ZNF268: variants seen among roughly 807,000 people sequenced by gnomAD.
The protein encoded by ZNF268 is zinc finger protein 268.
In ZNF268, 20 loss-of-function variants were observed where a neutral mutation model predicts 29.3. The observed-to-expected ratio is 0.68, with a 90% CI of 0.48 to 0.99. ZNF268 has a LOEUF of 0.99. ZNF268 is among the 50% of genes least tolerant of loss of function. The pLI is 0.00. For synonymous variants in ZNF268, 429 were observed against 376.9 expected (o/e 1.14, Z -1.60); for missense variants, 1,240 against 1,121.6 (o/e 1.11, Z -1.51).
intron 2 of ZNF268, 67 bp downstream of exon 2, chr12:133,182,097 T>C: frequency 6.7e-7 from 1 of 1,482,914 alleles, no homozygotes; most frequent in South Asian, 1.2e-5. Context: ...GCACTCCATC[T>C]ACTCCAGTCT....
At position 133,209,988 on chromosome 12, in the gene ZNF268, G is replaced by C. The variant is rs939045775; in HGVS notation, c.*5458G>C. On this transcript the variant is annotated 3_prime_UTR_variant, in exon 6 of 6. Transcript: ENST00000536435. ...TTTCTCCCCAGAAACAAACCCATAT[G>C]TATAAAAAGTAGTTGGGCTTGCTAT... The C allele has an allele frequency of 3.3e-5, 5 of 152,138 alleles. No individual in the cohort carries two copies. The highest frequency in any genetic ancestry group is 1.2e-4 in the African/African-American group (5 of 41,422). 9.4% of individuals were successfully genotyped at this position (152,138 alleles called of 1,614,324 possible).
At chr12:133,184,754 T>C in intron 2 of ZNF268, 1 of 445,906 alleles carries the variant, frequency 2.2e-6, no homozygotes, top group Non-Finnish European at 4.5e-6. Flanking sequence ...GTAGCTGGGA[T>C]TACAGGTGCG....
chr12:133,200,100 G>A (rs984891657), intron 5 of ZNF268, among the ~76,000 whole-genome samples: 7 of 152,030 alleles, frequency 4.6e-5, no homozygotes, highest in Admixed American at 2.6e-4. Context: ...TGCTTTTCTA[G>A]TTCTTTTAAT....
chr12:133,190,169 C>A (rs1433895274), intron 3 of ZNF268, among the ~76,000 whole-genome samples: 2 of 152,202 alleles, frequency 1.3e-5, no homozygotes, highest in Non-Finnish European at 2.9e-5. Flanking sequence ...ATGTCCTTTT[C>A]AACTAACTTA....
rs886582266 is a variant in ZNF268, at chr12:133,203,240, T to C, written c.1554T>C (p.His518=). ...GGAGCAAGTCATACCTTATTATACA[T>C]ACAAGGACTCATACAGGAGAAAAAC... ...AFRSKSYLII[H]TRTHTGEKLH... The change falls in exon 6 of 6, where the codon CAT becomes CAC. Residue 518 remains histidine (H), a synonymous_variant. Transcript: ENST00000536435. 6.5e-6 allele frequency: 10 copies of C among 1,537,850 alleles called. No homozygotes were observed. In the Admixed American group the frequency reaches 1.8e-4, roughly 27 times the overall value.
rs1956878845 is a variant in ZNF268 at position 133,205,309 on chromosome 12, A to G, written c.*779A>G. 1 of 152,120 alleles carries G rather than the reference A, an allele frequency of 6.6e-6. No homozygotes were observed. Among genetic ancestry groups the G allele is most frequent in the Non-Finnish European group, 1.5e-5 (1 of 67,998 alleles). 9.4% of individuals were successfully genotyped at this position (152,120 alleles called of 1,614,324 possible). ...AATTCTCAATTATAAATAATAAGAT[A>G]CAGATTATTTCATTGTACAAGTGAA... On this transcript the variant is annotated 3_prime_UTR_variant, in exon 6 of 6. Transcript: ENST00000536435.
At position 133,203,741 on chromosome 12, in the gene ZNF268, AC is replaced by A; in HGVS notation, c.2056del (p.His686IlefsTer8). On this transcript the variant is annotated frameshift_variant, in exon 6 of 6. Transcript: ENST00000536435. LOFTEE classifies it low-confidence loss of function (END_TRUNC). Reference sequence around the variant, plus strand: ...TTAGTTTGAAGTCCCAGCTCATTGTACATCAGAGAAGTCACACAGGAGTAAA... The same window carrying A: ...TTAGTTTGAAGTCCCAGCTCATTGTAATCAGAGAAGTCACACAGGAGTAAA... ...TFSLKSQLIV[H>X]QRSHTGVKPY... The A allele has an allele frequency of 1.9e-6, 3 of 1,556,926 alleles. No homozygotes were observed. The highest frequency in any genetic ancestry group is 2.6e-6 in the Non-Finnish European group (3 of 1,157,542).
At chr12:133,195,694 G>C (rs1956575140) in intron 5 of ZNF268, among the ~76,000 whole-genome samples, 1 of 152,050 alleles carries the variant, frequency 6.6e-6, no homozygotes, top group African/African-American at 2.4e-5. Context: ...GTGACAGAGA[G>C]GGATCCTGTC....
At chr12:133,184,183 G>C (rs7296971) in intron 2 of ZNF268, among the ~76,000 whole-genome samples, 51,757 of 151,316 alleles carry the variant, frequency 0.34, 9,219 homozygotes, top group African/African-American at 0.41. Flanking sequence ...TTGGCTCACT[G>C]CAACCTCTGC....
chr12:133,197,138 T>C (rs1479296972), intron 5 of ZNF268, among the ~76,000 whole-genome samples: 5 of 150,752 alleles, frequency 3.3e-5, no homozygotes, highest in Non-Finnish European at 7.4e-5. Flanking sequence ...CTGCACCCAC[T>C]AATTCGTCAT....
rs1370788949 is a variant in ZNF268, at chr12:133,204,611, A to G, written c.*81A>G. 27 of 1,081,994 alleles carry G rather than the reference A, an allele frequency of 2.5e-5. No individual in the cohort carries two copies. In the East Asian group the frequency reaches 3.7e-4, roughly 15 times the overall value. 67.0% of individuals were successfully genotyped at this position (1,081,994 alleles called of 1,614,324 possible). A position where few individuals can be genotyped will look rare whatever the true frequency, so the allele number is the denominator to read the frequency against. On this transcript the variant is annotated 3_prime_UTR_variant, in exon 6 of 6. Transcript: ENST00000536435. ...AAAGAGAAACTCTGTAAGTGGAATC[A>G]TCTTGTCATCTTCCAGAAAACTCAT...
At chr12:133,188,816 C>T (rs750287578) in intron 3 of ZNF268, among the ~76,000 whole-genome samples, 3 of 152,060 alleles carry the variant, frequency 2.0e-5, no homozygotes, top group Non-Finnish European at 2.9e-5. Flanking sequence ...ATTTTTTCCT[C>T]GGGTGCTTCT....
In ZNF268 at chr12:133,203,023, G is replaced by C. The variant is rs1194007665; in HGVS notation, c.1337G>C (p.Cys446Ser). Residue 446 changes from cysteine (C) to serine (S), a missense_variant, in exon 6 of 6, where the codon TGT becomes TCT. By Grantham distance (112) the Cys-to-Ser change is moderately radical. Around this residue, in one of 3 missense-constraint regions of ZNF268, gnomAD observed 1,177 missense variants for 1,039.6 expected, o/e 1.13. Coordinates refer to ENST00000536435, the MANE Select transcript of ZNF268 (RefSeq NM_003415.3). Reference protein sequence around the residue: ...RTHTGEKPYVCSDCGKAFTFK... With the variant: ...RTHTGEKPYVSSDCGKAFTFK... ...CATACAGGGGAGAAACCTTATGTTTGTAGTGATTGTGGAAAAGCCTTTACA... is the reference window on the plus strand; with the variant it reads ...CATACAGGGGAGAAACCTTATGTTTCTAGTGATTGTGGAAAAGCCTTTACA... 9 of 1,544,858 alleles carry C rather than the reference G, an allele frequency of 5.8e-6. No homozygotes were observed. The highest frequency in any genetic ancestry group is 7.8e-6 in the Non-Finnish European group (9 of 1,150,670).
In ZNF268 at chr12:133,202,336, G is replaced by T; in HGVS notation, c.650G>T (p.Ser217Ile). ...AGTTTGAAATATATAGATTTCACTA[G>T]TGATTATGCTAGAAATAATCCTAAT... Reference protein sequence around the residue: ...GKSLKYIDFTSDYARNNPNGF... With the variant: ...GKSLKYIDFTIDYARNNPNGF... Residue 217 changes from serine (S) to isoleucine (I), a missense_variant, in exon 6 of 6, where the codon AGT becomes ATT. Coordinates refer to ENST00000536435, the MANE Select transcript of ZNF268 (RefSeq NM_003415.3). 2 of 1,611,650 alleles carry T rather than the reference G, an allele frequency of 1.2e-6. No individual in the cohort carries two copies. Among genetic ancestry groups the T allele is most frequent in the Non-Finnish European group, 1.7e-6 (2 of 1,178,840 alleles).
chr12:133,194,959 G>T lies in ZNF268; in HGVS notation c.457+2956G>T, dbSNP rs947756904. Among the ~76,000 whole-genome samples, 5 of 66,250 alleles carry T rather than the reference G, an allele frequency of 7.5e-5. 1 individual carries two copies. The highest frequency in any genetic ancestry group is 1.4e-4 in the Non-Finnish European group (4 of 29,284). The allele number at this position is 66,250 out of a possible 152,430, so 43.5% of individuals were successfully genotyped here. A position where few individuals can be genotyped will look rare whatever the true frequency, so the allele number is the denominator to read the frequency against. ...TAGGATCCTGTTCCCATTCAGAGTG[G>T]GGAGTAGTTCTTTATGGTCTATAGA... On this transcript the variant is annotated intron_variant, in intron 5 of 5. Transcript: ENST00000536435.
At chr12:133,184,850 A>G in intron 2 of ZNF268, 1 of 337,136 alleles carries the variant, frequency 3.0e-6, no homozygotes, top group Non-Finnish European at 6.4e-6. Flanking sequence ...GAGGGATGCA[A>G]TCATTGAAAC....
rs1372417279 is a variant in ZNF268 at position 133,212,636 on chromosome 12, T to C, written c.*8106T>C. ...TACACTTCAGTGGCATGAAGTACAT[T>C]ATTTCCATTATTGTGCAACTATCAT... On this transcript the variant is annotated 3_prime_UTR_variant, in exon 6 of 6. Transcript: ENST00000536435. 1 of 151,922 alleles carries C rather than the reference T, an allele frequency of 6.6e-6. No homozygotes were observed. The highest frequency in any genetic ancestry group is 1.5e-5 in the Non-Finnish European group (1 of 67,982). The allele number at this position is 151,922 out of a possible 1,614,324, so 9.4% of individuals were successfully genotyped here. A position where few individuals can be genotyped will look rare whatever the true frequency, so the allele number is the denominator to read the frequency against.
At position 133,210,772 on chromosome 12, in the gene ZNF268, TC is replaced by T. The variant is rs746363962; in HGVS notation, c.*6246del. On this transcript the variant is annotated 3_prime_UTR_variant, in exon 6 of 6. Coordinates refer to ENST00000536435, the MANE Select transcript of ZNF268 (RefSeq NM_003415.3). ...TTTACTGTGATGCAGCCTCTAGTGA[TC>T]CCCAGGTCCTGAGTAGAAGGAAGGC... 4 of 452,924 alleles carry T rather than the reference TC, an allele frequency of 8.8e-6. 1 individual carries two copies. The highest frequency in any genetic ancestry group is 4.7e-5 in the South Asian group (3 of 64,482). The allele number at this position is 452,924 out of a possible 1,614,324, so 28.1% of individuals were successfully genotyped here.
At chr12:133,196,741 C>T (rs926534239) in intron 5 of ZNF268, among the ~76,000 whole-genome samples, 2 of 152,188 alleles carry the variant, frequency 1.3e-5, no homozygotes, top group African/African-American at 4.8e-5. Context: ...TAATATCACT[C>T]CTTCTCAAAC....
Sources: gnomAD v4.1 joint callset for allele counts (sites outside exome capture counted in the v4.1 genomes callset) on GRCh38, gnomAD v4.1.1 for gene constraint, gnomAD v4.1.1 regional missense constraint, MANE v1.5 for transcripts, NCBI Gene and HGNC (gene_info 2026-07-23, HGNC 2026-07-21) for gene names.